Variants in GLI3 observed in about 807,000 individuals in gnomAD.
The protein encoded by GLI3 is GLI family zinc finger 3, also known as transcription activator GLI3.
A neutral mutation model predicts 100.8 loss-of-function variants in GLI3; 20 were observed. The ratio of observed to expected loss-of-function variants is 0.20; its 90% CI spans 0.14 to 0.29. The LOEUF is 0.29. Ranked by LOEUF, GLI3 falls within the 10% of genes least tolerant of loss-of-function variation. The pLI, the probability that GLI3 is intolerant of heterozygous loss-of-function variation, is 1.00. For synonymous variants in GLI3, 938 were observed against 860.5 expected (o/e 1.09, Z -1.58); for missense variants, 2,040 against 2,128.5 (o/e 0.96, Z 0.82).
intron 2 of GLI3, among the ~76,000 whole-genome samples, chr7:42,196,752 A>G (rs944621212): frequency 6.6e-6 from 1 of 152,200 alleles, no homozygotes. Context: ...GTCTCACTTG[A>G]GATGTTAAAA....
At chr7:42,222,628 A>T (rs1385100330) in intron 2 of GLI3, among the ~76,000 whole-genome samples, 2 of 152,188 alleles carry the variant, frequency 1.3e-5, no homozygotes. Context: ...CTAACAACAA[A>T]ACCTGCATCT....
At chr7:42,078,532 C>T (rs2128752322) in intron 3 of GLI3, among the ~76,000 whole-genome samples, 1 of 152,176 alleles carries the variant, frequency 6.6e-6, no homozygotes, top group East Asian at 1.9e-4. Context: ...TCCCAGAGGA[C>T]TATTTTACTG....
intron 1 of GLI3, among the ~76,000 whole-genome samples, chr7:42,245,666 G>A (rs559979731): frequency 3.7e-4 from 56 of 152,058 alleles, no homozygotes; most frequent in Middle Eastern, 6.8e-3. Context: ...GGGTGACAGA[G>A]CAAGACTCTG....
At chr7:42,182,658 A>ATATATATATATATACATG (rs1554337017) in intron 2 of GLI3, among the ~76,000 whole-genome samples, 5 of 56,052 alleles carry the variant, frequency 8.9e-5, no homozygotes, top group Non-Finnish European at 1.7e-4. Flanking sequence ...ATATATATAT[A>ATATATATATATATACATG]TATATATATA....
At chr7:42,124,792 T>C (rs1322651717) in intron 3 of GLI3, among the ~76,000 whole-genome samples, 1 of 152,196 alleles carries the variant, frequency 6.6e-6, no homozygotes, top group East Asian at 1.9e-4. Flanking sequence ...TTGTTGCCAT[T>C]GGTGCTGCTG....
In GLI3 at chr7:42,140,721, A is replaced by C. The variant is rs183487662; in HGVS notation, c.367+7505T>G. Among the ~76,000 whole-genome samples, 8 of 152,320 alleles carry C rather than the reference A, an allele frequency of 5.3e-5. No homozygotes were observed. In the East Asian group the frequency reaches 1.5e-3, roughly 29 times the overall value. On this transcript the variant is annotated intron_variant, in intron 3 of 14. Transcript: ENST00000395925. Reference sequence around the variant, plus strand: ...CTAAGAACTATGAAGATACAGCACAAATTTACAGGTATGAGATCAAGAAAG... The same window carrying C: ...CTAAGAACTATGAAGATACAGCACACATTTACAGGTATGAGATCAAGAAAG...
At chr7:42,150,832 T>A (rs766363414) in intron 2 of GLI3, among the ~76,000 whole-genome samples, 9 of 152,180 alleles carry the variant, frequency 5.9e-5, no homozygotes, top group Non-Finnish European at 1.2e-4. Context: ...AATAACTGAA[T>A]AATGAATGGG....
chr7:42,055,523 C>G lies in GLI3; in HGVS notation c.474-6827G>C, dbSNP rs539622480. Among the ~76,000 whole-genome samples, 3 of 152,228 alleles carry G rather than the reference C, an allele frequency of 2.0e-5. No individual in the cohort carries two copies. The South Asian group carries it at 6.2e-4, about 32-fold the overall frequency. ...TGGTATGGCATTGCTCCCCCAAGGC[C>G]ACTGTTCCTGGTGGGCGAGCCCTCC... On this transcript the variant is annotated intron_variant, in intron 4 of 14. Coordinates refer to ENST00000395925, the MANE Select transcript of GLI3 (RefSeq NM_000168.6).
intron 10 of GLI3, among the ~76,000 whole-genome samples, chr7:42,005,194 C>T (rs1177877985): frequency 6.6e-6 from 1 of 152,014 alleles, no homozygotes; most frequent in African/African-American, 2.4e-5. Flanking sequence ...GTTTTAACTG[C>T]TTTTGAAGGA....
chr7:42,048,844 C>G, intron 4 of GLI3, 148 bp from the exon 5 acceptor site: 1 of 673,656 alleles, frequency 1.5e-6, no homozygotes, highest in Non-Finnish European at 2.7e-6. Flanking sequence ...CATATTAGTA[C>G]TATTATTTTA....
intron 3 of GLI3, among the ~76,000 whole-genome samples, chr7:42,147,503 C>T (rs1351107719): frequency 1.3e-5 from 2 of 152,296 alleles, no homozygotes; most frequent in African/African-American, 4.8e-5. Context: ...CTTCATTACT[C>T]CACAACCAAA....
chr7:42,066,879 G>A (rs535473487), intron 4 of GLI3, among the ~76,000 whole-genome samples: 4 of 152,224 alleles, frequency 2.6e-5, no homozygotes, highest in African/African-American at 9.6e-5. Flanking sequence ...ACTTGAGGCT[G>A]ACCTTCTTTT....
chr7:42,066,142 G>A (rs1241871935), intron 4 of GLI3, among the ~76,000 whole-genome samples: 2 of 152,078 alleles, frequency 1.3e-5, no homozygotes, highest in Non-Finnish European at 2.9e-5. Flanking sequence ...TGGGAAGAAA[G>A]CAAAATAAAC....
At chr7:42,207,202 A>G (rs1390453105) in intron 2 of GLI3, among the ~76,000 whole-genome samples, 1 of 152,204 alleles carries the variant, frequency 6.6e-6, no homozygotes, top group Admixed American at 6.5e-5. Context: ...AGATCCACCA[A>G]AAGACAGCTA....
chr7:42,174,609 T>C (rs981399623), intron 2 of GLI3, among the ~76,000 whole-genome samples: 8 of 152,220 alleles, frequency 5.3e-5, no homozygotes, highest in African/African-American at 1.9e-4. Context: ...CGCTCTTCCC[T>C]GACACACAGA....
chr7:42,170,014 T>C lies in GLI3; in HGVS notation c.125-21546A>G, dbSNP rs1787332071. 1.3e-5 allele frequency among the ~76,000 whole-genome samples: 2 copies of C among 151,434 alleles called. 1 individual carries two copies. The highest frequency in any genetic ancestry group is 4.2e-4 in the South Asian group (2 of 4,792). ...GGCTCACGCCTGTAATCACAGTACT[T>C]TGGGAGGCCAAGGCAGGCGGAGGTC... is the stretch of plus-strand genomic sequence containing the variant. On this transcript the variant is annotated intron_variant, in intron 2 of 14. Transcript: ENST00000395925.
At chr7:42,184,727 G>A (rs1787685642) in intron 2 of GLI3, among the ~76,000 whole-genome samples, 1 of 152,106 alleles carries the variant, frequency 6.6e-6, no homozygotes, top group Admixed American at 6.5e-5. Flanking sequence ...TTTGAGCAGA[G>A]GGACACTCAT....
At chr7:41,979,975 T>A (rs17707194) in intron 10 of GLI3, among the ~76,000 whole-genome samples, 65,247 of 151,970 alleles carry the variant, frequency 0.43, 14,663 homozygotes, top group East Asian at 0.81. Flanking sequence ...TAGATGGCCT[T>A]TCGCTTTAGG....
intron 2 of GLI3, among the ~76,000 whole-genome samples, chr7:42,209,107 T>A (rs1017482570): frequency 6.6e-6 from 1 of 152,096 alleles, no homozygotes; most frequent in Non-Finnish European, 1.5e-5. Flanking sequence ...CACACTGGAG[T>A]GCAATGGCAT....
Sources: gnomAD v4.1 joint callset for allele counts (sites outside exome capture counted in the v4.1 genomes callset) on GRCh38, gnomAD v4.1.1 for gene constraint, MANE v1.5 for transcripts, NCBI Gene and HGNC (gene_info 2026-07-23, HGNC 2026-07-21) for gene names.